Variants in KDM2B observed in about 807,000 individuals in gnomAD.
The protein encoded by KDM2B is lysine-specific demethylase 2B.
A neutral mutation model predicts 150.0 loss-of-function variants in KDM2B; 26 were observed. The observed-to-expected ratio is 0.17, with a 90% CI of 0.13 to 0.24. The LOEUF (loss-of-function observed/expected upper bound fraction) is 0.24. Among genes scored for constraint, KDM2B ranks in the 10% least tolerant of loss-of-function variants. The pLI is 1.00. For missense variants in KDM2B, 1,265 were observed against 1,816.9 expected (o/e 0.70, Z 5.52); for synonymous variants, 734 against 729.5 (o/e 1.01, Z -0.10).
intron 12 of KDM2B, among the ~76,000 whole-genome samples, chr12:121,478,866 TTGTGTGTGTG>T (rs71874668): frequency 1.5e-5 from 2 of 131,216 alleles, no homozygotes; most frequent in East Asian, 4.7e-4. Context: ...TTTTGTTTGT[TTGTGTGTGTG>T]TGTGTGTGTG....
rs1378450096 is a variant in KDM2B, at chr12:121,513,969, G to A, written c.1048-567C>T. On this transcript the variant is annotated intron_variant, in intron 9 of 22. Transcript: ENST00000377071. This position sits in a 1 kb window ranked among gnomAD's most constrained non-coding sequence, Gnocchi z 5.0. Reference sequence around the variant, plus strand: ...GGTGTGGCCTCGCCTACCTCCAGGGGTGGGGCCTTGAAGGGGTCCATCTCC... The same window carrying A: ...GGTGTGGCCTCGCCTACCTCCAGGGATGGGGCCTTGAAGGGGTCCATCTCC... 6.6e-6 allele frequency among the ~76,000 whole-genome samples: 1 copy of A among 152,126 alleles called. No individual in the cohort carries two copies. The highest frequency in any genetic ancestry group is 2.4e-5 in the African/African-American group (1 of 41,424).
intron 4 of KDM2B, among the ~76,000 whole-genome samples, chr12:121,568,427 T>C (rs1890859753): frequency 6.6e-6 from 1 of 151,932 alleles, no homozygotes; most frequent in Non-Finnish European, 1.5e-5. Context: ...GCCACTGCAC[T>C]TCAGCCTGGG....
chr12:121,439,252 G>C (rs1365431734), intron 22 of KDM2B, among the ~76,000 whole-genome samples: 2 of 152,098 alleles, frequency 1.3e-5, no homozygotes, highest in Non-Finnish European at 2.9e-5. Flanking sequence ...TCAGGCACCG[G>C]CTCTTCTGCA....
At chr12:121,573,004 TC>T (rs1891225342) in intron 4 of KDM2B, among the ~76,000 whole-genome samples, 1 of 151,810 alleles carries the variant, frequency 6.6e-6, no homozygotes, top group Admixed American at 6.6e-5. Context: ...TTTTGTATTT[TC>T]AGTAGAGACG....
Position 121,453,098 on chromosome 12 carries a change from G to A in KDM2B, c.1959+22C>T, listed in dbSNP as rs1441839544. On this transcript the variant is annotated intron_variant, in intron 13 of 22. Coordinates refer to ENST00000377071, the MANE Select transcript of KDM2B (RefSeq NM_032590.5). This position sits in a 1 kb window ranked among gnomAD's most constrained non-coding sequence, Gnocchi z 6.4. ...CGCAGGGGCCTGAATCGAGCGCAGGGCTGGGCGGGGGCCGCACTCACCGCG... is the reference window on the plus strand; with the variant it reads ...CGCAGGGGCCTGAATCGAGCGCAGGACTGGGCGGGGGCCGCACTCACCGCG... The A allele has an allele frequency of 1.9e-6, 3 of 1,583,722 alleles. No homozygotes were observed. In the African/African-American group the frequency reaches 4.0e-5, roughly 21 times the overall value.
chr12:121,477,246 A>AT (rs1416330112), intron 12 of KDM2B, among the ~76,000 whole-genome samples: 60 of 151,444 alleles, frequency 4.0e-4, no homozygotes, highest in Admixed American at 2.4e-3. Context: ...AATTTTTTTT[A>AT]TTTTTTGTGG....
At chr12:121,411,965 C>A in the KDM2B span, among the ~76,000 whole-genome samples, 2 of 152,178 alleles carry the variant, frequency 1.3e-5, no homozygotes, top group East Asian at 3.8e-4. Flanking sequence ...ATGTAACGTG[C>A]AAACTAAATT....
In KDM2B at chr12:121,548,976, A is replaced by C; in HGVS notation, c.584T>G (p.Leu195Arg). The change falls in exon 6 of 23, where the codon CTG becomes CGG. Residue 195 changes from leucine to arginine, a missense_variant. By Grantham distance (102) the Leu-to-Arg change is moderately radical (BLOSUM62 -2). Coordinates refer to ENST00000377071, the MANE Select transcript of KDM2B (RefSeq NM_032590.5). ...HLVKRPTVVDLVDWVDNMWPQ... is the reference protein window; with the variant it reads ...HLVKRPTVVDRVDWVDNMWPQ... ...CCACATGTTGTCCACCCAGTCCACC[A>C]GGTCTACCTGAAAGCCAGACCAGTG... is the stretch of plus-strand genomic sequence containing the variant. 1 of 1,613,894 alleles carries C rather than the reference A, an allele frequency of 6.2e-7. No individual in the cohort carries two copies. Among genetic ancestry groups the C allele is most frequent in the Non-Finnish European group, 8.5e-7 (1 of 1,179,746 alleles).
chr12:121,451,421 A>C (rs1877260135), intron 13 of KDM2B, among the ~76,000 whole-genome samples: 1 of 152,196 alleles, frequency 6.6e-6, no homozygotes, highest in African/African-American at 2.4e-5. Context: ...GGGAGTCAAA[A>C]GTTACATGCA....
At chr12:121,527,720 T>C (rs896672172) in intron 8 of KDM2B, among the ~76,000 whole-genome samples, 2 of 147,442 alleles carry the variant, frequency 1.4e-5, no homozygotes, top group Admixed American at 6.7e-5. Context: ...GCAGAGAAGA[T>C]ACATAATGTA....
intron 22 of KDM2B, chr12:121,433,313 G>T (rs1015933213): frequency 2.5e-6 from 1 of 402,320 alleles, no homozygotes; most frequent in South Asian, 1.8e-5. Flanking sequence ...CTGCTGGCGC[G>T]TGGGGCCCGC....
chr12:121,424,275 G>A (rs1178990848), downstream of KDM2B: 1 of 152,754 alleles, frequency 6.5e-6, no homozygotes, highest in South Asian at 2.1e-4. Context: ...ACATTGTTTT[G>A]TATAGTGAAG....
At chr12:121,422,026 A>G in the KDM2B span, among the ~76,000 whole-genome samples, 1 of 152,244 alleles carries the variant, frequency 6.6e-6, no homozygotes, top group African/African-American at 2.4e-5. Flanking sequence ...CAGAGGTCGT[A>G]GGCTGCTGGC....
intron 22 of KDM2B, chr12:121,433,317 G>GGCCCGCCTGCCC: frequency 2.5e-6 from 1 of 396,962 alleles, no homozygotes; most frequent in Non-Finnish European, 5.0e-6. Context: ...TGGCGCGTGG[G>GGCCCGCCTGCCC]GCCCGCCTGC....
chr12:121,556,168 G>A (rs1362422800), intron 4 of KDM2B, among the ~76,000 whole-genome samples: 1 of 151,938 alleles, frequency 6.6e-6, no homozygotes, highest in East Asian at 1.9e-4. Flanking sequence ...ATTGTGATCT[G>A]CCCTCCTCAG....
intron 6 of KDM2B, among the ~76,000 whole-genome samples, chr12:121,547,277 C>T (rs1185785294): frequency 1.3e-5 from 2 of 152,182 alleles, no homozygotes; most frequent in African/African-American, 4.8e-5. Context: ...CCACCTCGAG[C>T]CCAGTCTCTG....
At chr12:121,449,556 C>A (rs1450039867) in intron 13 of KDM2B, among the ~76,000 whole-genome samples, 1 of 152,046 alleles carries the variant, frequency 6.6e-6, no homozygotes, top group Non-Finnish European at 1.5e-5. Context: ...AGATGGCACC[C>A]GAGACAGGTT....
rs1891926331 is a variant in KDM2B, at chr12:121,580,864, T to C, written c.48A>G (p.Arg16=). The part of the protein sequence containing the change: ...MGGSAEDHPP[R]KRHAAEKQKK... ...TTTGCTTTTCTGCTGCATGTCTTTT[T>C]CGTGGGGGGTGATCCTCTGCAGATC... Residue 16 remains arginine, a synonymous_variant, in exon 1 of 23, where the codon CGA becomes CGG. Transcript: ENST00000377071. 3.1e-6 allele frequency: 5 copies of C among 1,614,024 alleles called. No individual in the cohort carries two copies. Among genetic ancestry groups the C allele is most frequent in the Non-Finnish European group, 2.5e-6 (3 of 1,180,016 alleles).
rs575373073 is a variant in KDM2B at position 121,580,827 on chromosome 12, CTG to C, written c.83_84del (p.Thr28SerfsTer8). ...AATTCAAAGCATTTTGTATATATAA[CTG>C]TTTTCTTTTTTTGCTTTTCTGCTGC... ...RHAAEKQKKK[T>X]VIYTKCFEFE... is the part of the protein sequence containing the mutation. On this transcript the variant is annotated frameshift_variant, in exon 1 of 23. Coordinates refer to ENST00000377071, the MANE Select transcript of KDM2B (RefSeq NM_032590.5). LOFTEE classifies it high-confidence loss of function. 3.3e-3 allele frequency: 5,249 copies of C among 1,614,044 alleles called. 19 individuals carry two copies. Among genetic ancestry groups the C allele is most frequent in the Non-Finnish European group, 3.8e-3 (4,429 of 1,179,962 alleles).
Sources: allele counts gnomAD v4.1 joint callset (sites outside exome capture counted in the v4.1 genomes callset), GRCh38; gene constraint gnomAD v4.1.1; non-coding constraint Gnocchi (gnomAD v3.1); transcripts MANE v1.5; gene names NCBI Gene and HGNC (gene_info 2026-07-23, HGNC 2026-07-21).